MGAT5B: variants seen among roughly 807,000 people sequenced by gnomAD.
The protein encoded by MGAT5B is alpha-1,6-mannosylglycoprotein 6-beta-N-acetylglucosaminyltransferase B.
A neutral mutation model predicts 95.1 loss-of-function variants in MGAT5B; 54 were observed. The ratio of observed to expected loss-of-function variants is 0.57; its 90% confidence interval spans 0.46 to 0.71. MGAT5B has a LOEUF of 0.71. Among genes scored for constraint, MGAT5B ranks in the 30% least tolerant of loss-of-function variants. The pLI, the probability that MGAT5B is intolerant of heterozygous loss-of-function variation, is 0.00. For synonymous variants in MGAT5B, 464 were observed against 451.0 expected, an observed-to-expected ratio of 1.03 and a Z score of -0.36; for missense variants, 935 against 1,088.6, an observed-to-expected ratio of 0.86 and a Z score of 1.99.
In MGAT5B at chr17:76,906,735, G is replaced by A. The variant is rs1328533489; in HGVS notation, c.1025+548G>A. Among the ~76,000 whole-genome samples the A allele has an allele frequency of 6.6e-6, 1 of 152,142 alleles. No homozygotes were observed. The highest frequency in any genetic ancestry group is 1.5e-5 in the Non-Finnish European group (1 of 68,020). The stretch of plus-strand genomic sequence containing the variant: ...CCCCTGAGTGTTTGAGGGTAGGATG[G>A]GGGTGAGGCTGAGAGTGTGGGGATG... On this transcript the variant is annotated intron_variant, in intron 8 of 17. Coordinates refer to ENST00000569840, the MANE Select transcript of MGAT5B (RefSeq NM_001199172.2). This position sits in a 1 kb window ranked among gnomAD's most constrained non-coding sequence, Gnocchi z 4.6.
intron 2 of MGAT5B, among the ~76,000 whole-genome samples, chr17:76,873,341 G>A (rs944232833): frequency 2.0e-5 from 3 of 152,230 alleles, no homozygotes; most frequent in African/African-American, 7.2e-5. Context: ...ATGTGGGAAC[G>A]GGCCTGGCCA....
chr17:76,890,835 G>T lies in MGAT5B; in HGVS notation c.329+8537G>T, dbSNP rs1967836257. ...TTCATTTCTCACAGTTTTGGAGGCT[G>T]GAGGTCTGAGACCAGGGTGCCAGCA... On this transcript the variant is annotated intron_variant, in intron 3 of 17. Coordinates refer to ENST00000569840, the MANE Select transcript of MGAT5B (RefSeq NM_001199172.2). Among the ~76,000 whole-genome samples, 5 of 152,116 alleles carry T rather than the reference G, an allele frequency of 3.3e-5. No homozygotes were observed. In the South Asian group the frequency reaches 6.2e-4, roughly 19 times the overall value.
intron 12 of MGAT5B, 88 bp downstream of exon 12, chr17:76,933,385 T>C: frequency 1.3e-6 from 2 of 1,529,546 alleles, no homozygotes; most frequent in Non-Finnish European, 1.8e-6. Context: ...CCTTGTGATG[T>C]TCTCCTGACT....
At chr17:76,904,143 C>A in intron 5 of MGAT5B, 109 bp from the exon 6 acceptor site, 1 of 1,145,456 alleles carries the variant, frequency 8.7e-7, no homozygotes, top group South Asian at 1.6e-5. Flanking sequence ...GGGTGGGCCA[C>A]ATGGGCCCCA....
intron 3 of MGAT5B, among the ~76,000 whole-genome samples, chr17:76,896,647 G>T (rs1695902800): frequency 1.3e-5 from 2 of 152,196 alleles, no homozygotes; most frequent in African/African-American, 2.4e-5. Flanking sequence ...GTTCAGAGAG[G>T]TTAGGTAACT....
In MGAT5B at chr17:76,915,554, G is replaced by A. The variant is rs1184892637; in HGVS notation, c.1025+9367G>A. Among the ~76,000 whole-genome samples the A allele has an allele frequency of 6.6e-6, 1 of 152,186 alleles. No individual in the cohort carries two copies. The highest frequency in any genetic ancestry group is 1.9e-4 in the East Asian group (1 of 5,202). ...CGAACCAAATATGGCAAAATGTTAA[G>A]GCTTGATGAGGCTGGGAAGTGGGCG... On this transcript the variant is annotated intron_variant, in intron 8 of 17. Coordinates refer to ENST00000569840, the MANE Select transcript of MGAT5B (RefSeq NM_001199172.2). The surrounding 1 kb of genome is among the most constrained non-coding windows in gnomAD (Gnocchi z 8.7).
At chr17:76,892,641 C>G (rs1407647027) in intron 3 of MGAT5B, among the ~76,000 whole-genome samples, 1 of 152,246 alleles carries the variant, frequency 6.6e-6, no homozygotes, top group Admixed American at 6.5e-5. Context: ...TGAAAATCAG[C>G]CAAGGGGAGC....
chr17:76,942,687 A>C (rs1194308237), intron 15 of MGAT5B, among the ~76,000 whole-genome samples: 1 of 152,206 alleles, frequency 6.6e-6, no homozygotes, highest in Non-Finnish European at 1.5e-5. Flanking sequence ...ATAGGAAAGA[A>C]GAGTGAAGGG....
intron 15 of MGAT5B, among the ~76,000 whole-genome samples, chr17:76,943,067 G>T (rs993216184): frequency 2.0e-5 from 3 of 152,110 alleles, no homozygotes; most frequent in Admixed American, 1.3e-4. Context: ...CGGGGTCGGG[G>T]GAGGGCTGTG....
At chr17:76,942,405 C>T (rs933586396) in intron 15 of MGAT5B, among the ~76,000 whole-genome samples, 2 of 152,144 alleles carry the variant, frequency 1.3e-5, no homozygotes, top group Non-Finnish European at 2.9e-5. Flanking sequence ...TGGTGGCACA[C>T]GACTGTGATC....
rs778129578 is a variant in MGAT5B, at chr17:76,879,677, G to A, written c.182-2474G>A. Among the ~76,000 whole-genome samples, 8 of 152,322 alleles carry A rather than the reference G, an allele frequency of 5.3e-5. No homozygotes were observed. In the South Asian group the frequency reaches 8.3e-4, roughly 16 times the overall value. On this transcript the variant is annotated intron_variant, in intron 2 of 17. Transcript: ENST00000569840. ...GTCCTCCAGTTTTTTTAGCTGAAAT[G>A]ATGGAAATCTCTTCATCTACTCTGT...
intron 3 of MGAT5B, among the ~76,000 whole-genome samples, chr17:76,896,968 G>C (rs1968084108): frequency 6.6e-6 from 1 of 152,064 alleles, no homozygotes; most frequent in Non-Finnish European, 1.5e-5. Context: ...ACCCAGGCTG[G>C]AGTGCAGCAG....
intron 2 of MGAT5B, among the ~76,000 whole-genome samples, chr17:76,877,789 C>T (rs1967247346): frequency 1.3e-5 from 2 of 151,958 alleles, no homozygotes; most frequent in South Asian, 4.2e-4. Context: ...GATGGGGGCT[C>T]ATTCAATTTC....
In MGAT5B at chr17:76,918,098, G is replaced by A. The variant is rs779372656; in HGVS notation, c.1026-6868G>A. On this transcript the variant is annotated intron_variant, in intron 8 of 17. Coordinates refer to ENST00000569840, the MANE Select transcript of MGAT5B (RefSeq NM_001199172.2). The surrounding 1 kb of genome is among the most constrained non-coding windows in gnomAD (Gnocchi z 5.1). Reference sequence around the variant, plus strand: ...CTTGCTAGGAAAGAACGCTGGGGAAGAAAGTGCCAGCTTTGGACGCCAGCC... The same window carrying A: ...CTTGCTAGGAAAGAACGCTGGGGAAAAAAGTGCCAGCTTTGGACGCCAGCC... 4.6e-5 allele frequency among the ~76,000 whole-genome samples: 7 copies of A among 152,212 alleles called. No homozygotes were observed. The highest frequency in any genetic ancestry group is 6.5e-5 in the Admixed American group (1 of 15,288).
At chr17:76,911,222 C>G (rs968955680) in intron 8 of MGAT5B, among the ~76,000 whole-genome samples, 1 of 152,214 alleles carries the variant, frequency 6.6e-6, no homozygotes, top group African/African-American at 2.4e-5. Flanking sequence ...ATTGGAAAAG[C>G]TTGAGGCTGT....
At chr17:76,878,414 C>T (rs1339621436) in intron 2 of MGAT5B, among the ~76,000 whole-genome samples, 5 of 152,098 alleles carry the variant, frequency 3.3e-5, no homozygotes, top group Admixed American at 2.6e-4. Flanking sequence ...CATCTGGTTC[C>T]GCAGGCATGG....
intron 2 of MGAT5B, among the ~76,000 whole-genome samples, chr17:76,874,410 G>T (rs147226654): frequency 2.0e-3 from 295 of 147,488 alleles, no homozygotes; most frequent in Middle Eastern, 6.8e-3. Flanking sequence ...GGTGGGTGGG[G>T]ATGGGAGGGA....
intron 1 of MGAT5B, among the ~76,000 whole-genome samples, chr17:76,872,067 C>T (rs1967030396): frequency 6.6e-6 from 1 of 151,236 alleles, no homozygotes; most frequent in Admixed American, 6.6e-5. Flanking sequence ...AGCCCTCCCT[C>T]CCACCCAGTG....
chr17:76,906,019 T>TC lies in MGAT5B; in HGVS notation c.859dup (p.Leu287ProfsTer57), dbSNP rs1446093083. 4 of 1,602,644 alleles carry TC rather than the reference T, an allele frequency of 2.5e-6. No individual in the cohort carries two copies. The highest frequency in any genetic ancestry group is 3.4e-6 in the Non-Finnish European group (4 of 1,175,312). On this transcript the variant is annotated frameshift_variant and splice_region_variant, in exon 8 of 18. Coordinates refer to ENST00000569840, the MANE Select transcript of MGAT5B (RefSeq NM_001199172.2). LOFTEE classifies it high-confidence loss of function. This position sits in a 1 kb window ranked among gnomAD's most constrained non-coding sequence, Gnocchi z 4.6. ...ACCCTCTGTGTTCCGCCCACCCAGA[T>TC]CCTGGTCCACATCGGCTTCCTGACG...
Sources: allele counts gnomAD v4.1 joint callset (sites outside exome capture counted in the v4.1 genomes callset), GRCh38; gene constraint gnomAD v4.1.1; non-coding constraint Gnocchi (gnomAD v3.1); transcripts MANE v1.5; gene names NCBI Gene and HGNC (gene_info 2026-07-23, HGNC 2026-07-21).